FSBP: variants seen among roughly 807,000 people sequenced by gnomAD.
The protein encoded by FSBP is fibrinogen silencer-binding protein.
Under a neutral mutation model 24.6 loss-of-function variants are expected in FSBP, and 18 were observed. That is an observed-to-expected ratio of 0.73 (90% CI 0.51 to 1.08). FSBP has a LOEUF of 1.08. Ranked by LOEUF, FSBP falls within the 50% of genes least tolerant of loss-of-function variation. FSBP has a pLI of 0.00. For synonymous variants in FSBP, 110 were observed against 125.8 expected, an observed-to-expected ratio of 0.87 and a Z score of 0.84; for missense variants, 305 against 347.6, an observed-to-expected ratio of 0.88 and a Z score of 0.98.
Position 94,431,268 on chromosome 8 carries a change from C to G in FSBP, c.*863G>C. ...GAAATTTTTTCCAGAACAGGACATTCAAAATGAATTAAGACATGTCTTTAA... is the reference window on the plus strand; with the variant it reads ...GAAATTTTTTCCAGAACAGGACATTGAAAATGAATTAAGACATGTCTTTAA... On this transcript the variant is annotated 3_prime_UTR_variant, in exon 2 of 2. Coordinates refer to ENST00000481490, the MANE Select transcript of FSBP (RefSeq NM_001256141.2). 1.0e-6 allele frequency: 1 copy of G among 969,424 alleles called. No homozygotes were observed. The highest frequency in any genetic ancestry group is 1.2e-6 in the Non-Finnish European group (1 of 815,578). The allele number at this position is 969,424 out of a possible 1,614,324, so 60.1% of individuals were successfully genotyped here. A position where few individuals can be genotyped will look rare whatever the true frequency, so the allele number is the denominator to read the frequency against.
chr8:94,433,732 TA>T (rs1327174710), intron 1 of FSBP, among the ~76,000 whole-genome samples: 2 of 151,792 alleles, frequency 1.3e-5, no homozygotes, highest in Non-Finnish European at 2.9e-5. Context: ...CTGCCTAACT[TA>T]AAAATAAAAG....
chr8:94,428,758 TC>T lies in FSBP; in HGVS notation c.*3372del. Reference sequence around the variant, plus strand: ...TACATTCCATTGTACTAGCAAACTTTCCCCTATATATTCCCCTTAATGAAAC... The same window carrying T: ...TACATTCCATTGTACTAGCAAACTTTCCCTATATATTCCCCTTAATGAAAC... On this transcript the variant is annotated 3_prime_UTR_variant, in exon 2 of 2. Transcript: ENST00000481490. The T allele has an allele frequency of 2.0e-6, 2 of 985,212 alleles. No individual in the cohort carries two copies. The highest frequency in any genetic ancestry group is 2.4e-6 in the Non-Finnish European group (2 of 829,784). 61.0% of individuals were successfully genotyped at this position (985,212 alleles called of 1,614,324 possible). A position where few individuals can be genotyped will look rare whatever the true frequency, so the allele number is the denominator to read the frequency against.
chr8:94,436,302 A>G (rs1386717440), intron 1 of FSBP, among the ~76,000 whole-genome samples, 193 bp downstream of exon 1: 1 of 152,200 alleles, frequency 6.6e-6, no homozygotes, highest in Admixed American at 6.6e-5. Context: ...GAAGACAGTA[A>G]AAAGTAGCTT....
rs576425775 is a variant in FSBP at position 94,434,986 on chromosome 8, T to C, written c.374+1509A>G. On this transcript the variant is annotated intron_variant, in intron 1 of 1. Transcript: ENST00000481490. The stretch of plus-strand genomic sequence containing the variant: ...TATATTATTTTTCTTCTACTCACTG[T>C]TATTTTTAAAATATGCAACTAACTA... Among the ~76,000 whole-genome samples the C allele has an allele frequency of 7.2e-5, 11 of 151,980 alleles. No individual in the cohort carries two copies. The South Asian group carries it at 2.3e-3, about 31-fold the overall frequency.
rs1812087012 is a variant in FSBP, at chr8:94,431,288, C to G, written c.*843G>C. 1 of 975,458 alleles carries G rather than the reference C, an allele frequency of 1.0e-6. No homozygotes were observed. Among genetic ancestry groups the G allele is most frequent in the Non-Finnish European group, 1.2e-6 (1 of 821,110 alleles). The allele number at this position is 975,458 out of a possible 1,614,324, so 60.4% of individuals were successfully genotyped here. On this transcript the variant is annotated 3_prime_UTR_variant, in exon 2 of 2. Transcript: ENST00000481490. ...ACATTCAAAATGAATTAAGACATGTCTTTAAATCACACAGCCAAAATATAT... is the reference window on the plus strand; with the variant it reads ...ACATTCAAAATGAATTAAGACATGTGTTTAAATCACACAGCCAAAATATAT...
chr8:94,429,470 G>T lies in FSBP; in HGVS notation c.*2661C>A. The stretch of plus-strand genomic sequence containing the variant: ...CACAGAACACACTTGGGAAAACTCT[G>T]ATTTGCTGTAAAAGCCAACATTTAA... On this transcript the variant is annotated 3_prime_UTR_variant, in exon 2 of 2. Coordinates refer to ENST00000481490, the MANE Select transcript of FSBP (RefSeq NM_001256141.2). 5.1e-6 allele frequency: 5 copies of T among 978,090 alleles called. No individual in the cohort carries two copies. Among genetic ancestry groups the T allele is most frequent in the Non-Finnish European group, 6.1e-6 (5 of 823,382 alleles). The allele number at this position is 978,090 out of a possible 1,614,324, so 60.6% of individuals were successfully genotyped here.
At chr8:94,434,658 T>C (rs898073356) in intron 1 of FSBP, among the ~76,000 whole-genome samples, 1 of 151,234 alleles carries the variant, frequency 6.6e-6, no homozygotes, top group Non-Finnish European at 1.5e-5. Flanking sequence ...ATTATTAAGA[T>C]TCAAGGATGA....
chr8:94,436,564 T>A lies in FSBP; in HGVS notation c.305A>T (p.Lys102Met). ...DFKSNISEPTKKVMEMIPQIS... is the reference protein window; with the variant it reads ...DFKSNISEPTMKVMEMIPQIS... The stretch of plus-strand genomic sequence containing the variant: ...CTGGGGAATCATCTCCATAACTTTC[T>A]TGGTTGGCTCAGAAATATTGCTTTT... Residue 102 changes from lysine (K) to methionine (M), a missense_variant, in exon 1 of 2, where the codon AAG becomes ATG. Physicochemically the swap from Lys to Met is moderately conservative, Grantham distance 95. Coordinates refer to ENST00000481490, the MANE Select transcript of FSBP (RefSeq NM_001256141.2). 3 of 1,550,496 alleles carry A rather than the reference T, an allele frequency of 1.9e-6. No homozygotes were observed. Among genetic ancestry groups the A allele is most frequent in the Non-Finnish European group, 2.6e-6 (3 of 1,146,908 alleles).
Position 94,430,699 on chromosome 8 carries a change from TATA to T in FSBP, c.*1429_*1431del. On this transcript the variant is annotated 3_prime_UTR_variant, in exon 2 of 2. Transcript: ENST00000481490. ...GTGAGGCCCACTCACATGTTGTCTG[TATA>T]ATGTTTTAAAAGCATTTTGTGTTAT... 2.2e-6 allele frequency: 2 copies of T among 896,498 alleles called. No individual in the cohort carries two copies. The highest frequency in any genetic ancestry group is 2.7e-6 in the Non-Finnish European group (2 of 749,064). The allele number at this position is 896,498 out of a possible 1,614,324, so 55.5% of individuals were successfully genotyped here. A position where few individuals can be genotyped will look rare whatever the true frequency, so the allele number is the denominator to read the frequency against.
Position 94,429,246 on chromosome 8 carries a change from GA to G in FSBP, c.*2884del. 1.8e-6 allele frequency: 1 copy of G among 548,098 alleles called. No homozygotes were observed. 34.0% of individuals were successfully genotyped at this position (548,098 alleles called of 1,614,324 possible). A position where few individuals can be genotyped will look rare whatever the true frequency, so the allele number is the denominator to read the frequency against. ...AAAAGCAATCTTAAACAATGCTGCA[GA>G]AAAATATGATTGTAGCAGACTATGT... On this transcript the variant is annotated 3_prime_UTR_variant, in exon 2 of 2. Coordinates refer to ENST00000481490, the MANE Select transcript of FSBP (RefSeq NM_001256141.2).
chr8:94,428,741 A>G lies in FSBP; in HGVS notation c.*3390T>C. 2 of 984,154 alleles carry G rather than the reference A, an allele frequency of 2.0e-6. No homozygotes were observed. Among genetic ancestry groups the G allele is most frequent in the South Asian group, 9.4e-5 (2 of 21,270 alleles). 61.0% of individuals were successfully genotyped at this position (984,154 alleles called of 1,614,324 possible). ...AGATAGAAAGCCAAGTGTACATTCC[A>G]TTGTACTAGCAAACTTTCCCCTATA... On this transcript the variant is annotated 3_prime_UTR_variant, in exon 2 of 2. Coordinates refer to ENST00000481490, the MANE Select transcript of FSBP (RefSeq NM_001256141.2).
rs760523832 is a variant in FSBP, at chr8:94,431,687, A to T, written c.*444T>A. ...ATCCTAGGATTTACTCCTTCAAAAGATAAAAGCATAAAAACCAATGTCATA... is the reference window on the plus strand; with the variant it reads ...ATCCTAGGATTTACTCCTTCAAAAGTTAAAAGCATAAAAACCAATGTCATA... On this transcript the variant is annotated 3_prime_UTR_variant, in exon 2 of 2. Coordinates refer to ENST00000481490, the MANE Select transcript of FSBP (RefSeq NM_001256141.2). The T allele has an allele frequency of 7.0e-5, 69 of 983,016 alleles. No individual in the cohort carries two copies. Among genetic ancestry groups the T allele is most frequent in the Non-Finnish European group, 7.4e-5 (61 of 827,750 alleles). 60.9% of individuals were successfully genotyped at this position (983,016 alleles called of 1,614,324 possible). A position where few individuals can be genotyped will look rare whatever the true frequency, so the allele number is the denominator to read the frequency against.
chr8:94,428,317 T>C lies in FSBP; in HGVS notation c.*3814A>G. ...TTAAAGCTCATGGACCCCAAACAAT[T>C]GTCTATGATATGCAAGATGTCTGGT... On this transcript the variant is annotated 3_prime_UTR_variant, in exon 2 of 2. Transcript: ENST00000481490. 1 of 983,340 alleles carries C rather than the reference T, an allele frequency of 1.0e-6. No homozygotes were observed. The highest frequency in any genetic ancestry group is 1.2e-6 in the Non-Finnish European group (1 of 828,038). 60.9% of individuals were successfully genotyped at this position (983,340 alleles called of 1,614,324 possible).
chr8:94,432,157 C>A lies in FSBP; in HGVS notation c.874G>T (p.Asp292Tyr), dbSNP rs1563654866. 6.5e-7 allele frequency: 1 copy of A among 1,549,846 alleles called. No individual in the cohort carries two copies. Among genetic ancestry groups the A allele is most frequent in the African/African-American group, 1.4e-5 (1 of 72,980 alleles). The change falls in exon 2 of 2, where the codon GAT (aspartate) becomes TAT (tyrosine). Residue 292 changes from aspartate to tyrosine, a missense_variant. Asp to Tyr is a radical substitution (Grantham distance 160). Transcript: ENST00000481490. ...TAGAGACTGTTATATTCAGGTAGATCATGCCGTAAGCGAATTGCTTTCAGC... is the reference window on the plus strand; with the variant it reads ...TAGAGACTGTTATATTCAGGTAGATAATGCCGTAAGCGAATTGCTTTCAGC... ...EKLKAIRLRH[D>Y]LPEYNSL
chr8:94,434,883 A>G (rs1046407693), intron 1 of FSBP, among the ~76,000 whole-genome samples: 1 of 151,508 alleles, frequency 6.6e-6, no homozygotes, highest in African/African-American at 2.4e-5. Context: ...TCATATCCCA[A>G]AAGATTTTTT....
chr8:94,433,642 TA>T (rs902598184), intron 1 of FSBP, among the ~76,000 whole-genome samples: 1 of 151,990 alleles, frequency 6.6e-6, no homozygotes, highest in African/African-American at 2.4e-5. Flanking sequence ...TTCTGTTTTA[TA>T]AACATAATTT....
In FSBP at chr8:94,432,035, AT is replaced by A; in HGVS notation, c.*95del. 7.1e-7 allele frequency: 1 copy of A among 1,399,382 alleles called. No individual in the cohort carries two copies. Among genetic ancestry groups the A allele is most frequent in the Non-Finnish European group, 9.3e-7 (1 of 1,078,932 alleles). The allele number at this position is 1,399,382 out of a possible 1,614,324, so 86.7% of individuals were successfully genotyped here. On this transcript the variant is annotated 3_prime_UTR_variant, in exon 2 of 2. Transcript: ENST00000481490. ...TTTTTCCATAATAGAGATTAACAACATTTTTCAAGAACGTGTATTCTGTTTC... is the reference window on the plus strand; with the variant it reads ...TTTTTCCATAATAGAGATTAACAACATTTTCAAGAACGTGTATTCTGTTTC...
chr8:94,430,975 A>C lies in FSBP; in HGVS notation c.*1156T>G. 1.0e-6 allele frequency: 1 copy of C among 985,284 alleles called. No individual in the cohort carries two copies. Among genetic ancestry groups the C allele is most frequent in the Non-Finnish European group, 1.2e-6 (1 of 829,904 alleles). The allele number at this position is 985,284 out of a possible 1,614,324, so 61.0% of individuals were successfully genotyped here. ...TTTCCCATTCTTTTGTCTTTTTTCC[A>C]GCGTCTCACTCTTGACTTCAAACAC... On this transcript the variant is annotated 3_prime_UTR_variant, in exon 2 of 2. Transcript: ENST00000481490.
rs1812130776 is a variant in FSBP, at chr8:94,432,489, TC to T, written c.541del (p.Glu181AsnfsTer4). On this transcript the variant is annotated frameshift_variant, in exon 2 of 2. Coordinates refer to ENST00000481490, the MANE Select transcript of FSBP (RefSeq NM_001256141.2). LOFTEE classifies it high-confidence loss of function. ...TTCCATAACATGTACTAATTCATGTTCTTCTCTTTGCTCTAAAGTATCACTC... is the reference window on the plus strand; with the variant it reads ...TTCCATAACATGTACTAATTCATGTTTTCTCTTTGCTCTAAAGTATCACTC... Reference protein sequence around the residue: ...QQSDTLEQREEHELVHVMERS... With the variant: ...QQSDTLEQREXHELVHVMERS... 1 of 1,550,498 alleles carries T rather than the reference TC, an allele frequency of 6.4e-7. No individual in the cohort carries two copies. The highest frequency in any genetic ancestry group is 1.4e-5 in the African/African-American group (1 of 73,032).
Sources: allele counts gnomAD v4.1 joint callset (sites outside exome capture counted in the v4.1 genomes callset), GRCh38; gene constraint gnomAD v4.1.1; transcripts MANE v1.5; gene names NCBI Gene and HGNC (gene_info 2026-07-23, HGNC 2026-07-21).